GALNS: variants seen among roughly 807,000 people sequenced by gnomAD.
The protein encoded by GALNS is N-acetylgalactosamine-6-sulfatase.
A neutral mutation model predicts 65.9 loss-of-function variants in GALNS; 65 were observed. That is an observed-to-expected ratio of 0.99 (90% CI 0.81 to 1.21). The LOEUF is 1.21. Among genes scored for constraint, GALNS ranks in the 50% most tolerant of loss-of-function variants. The probability of loss-of-function intolerance (pLI) is 0.00; values close to 1 mark genes in which losing one functional copy is unlikely to be tolerated. For missense variants in GALNS, 776 were observed against 700.7 expected (o/e 1.11, Z -1.21); for synonymous variants, 346 against 288.9 (o/e 1.20, Z -2.00).
Position 88,841,084 on chromosome 16 carries a change from C to T in GALNS, c.330G>A (p.Pro110=), listed in dbSNP as rs374355420. The T allele has an allele frequency of 4.5e-5, 73 of 1,612,940 alleles. No homozygotes were observed. The Middle Eastern group carries it at 5.0e-4, about 11-fold the overall frequency. ...TNAHARNAYT[P]QEIVGGIPDS... ...CTGGGATGCCGCCCACAATCTCCTGCGGTGTGTAGGCTGGAAGAGCAGCGC... is the reference window on the plus strand; with the variant it reads ...CTGGGATGCCGCCCACAATCTCCTGTGGTGTGTAGGCTGGAAGAGCAGCGC... The change falls in exon 4 of 14, where the codon CCG becomes CCA. Residue 110 remains proline, a synonymous_variant. Transcript: ENST00000268695.
rs1909720937 is a variant in GALNS at position 88,817,194 on chromosome 16, A to G, written c.1482+813T>C. On this transcript the variant is annotated intron_variant, in intron 13 of 13. Transcript: ENST00000268695. ...ACCCTATGGGACCCCCAAGCAGGGGACAGAAAAGCTGCTCCTGAGAGGCCC... is the reference window on the plus strand; with the variant it reads ...ACCCTATGGGACCCCCAAGCAGGGGGCAGAAAAGCTGCTCCTGAGAGGCCC... 24 of 985,250 alleles carry G rather than the reference A, an allele frequency of 2.4e-5. No individual in the cohort carries two copies. In the South Asian group the frequency reaches 6.6e-4, roughly 27 times the overall value. The allele number at this position is 985,250 out of a possible 1,614,324, so 61.0% of individuals were successfully genotyped here. A position where few individuals can be genotyped will look rare whatever the true frequency, so the allele number is the denominator to read the frequency against.
At chr16:88,818,975 C>T (rs1046434453) in intron 12 of GALNS, among the ~76,000 whole-genome samples, 1 of 152,134 alleles carries the variant, frequency 6.6e-6, no homozygotes, top group African/African-American at 2.4e-5. Flanking sequence ...AAGCTAGAGA[C>T]GGGGTTACCA....
At position 88,855,829 on chromosome 16, in the gene GALNS, A is replaced by G. The variant is rs913540481; in HGVS notation, c.120+929T>C. On this transcript the variant is annotated intron_variant, in intron 1 of 13. Transcript: ENST00000268695. Reference sequence around the variant, plus strand: ...ACAGGTGGGTCTGAAGGCACCTGTCAGGGTCTCTGCTGGTCGGAGCCAGCA... The same window carrying G: ...ACAGGTGGGTCTGAAGGCACCTGTCGGGGTCTCTGCTGGTCGGAGCCAGCA... The G allele has an allele frequency of 7.9e-6, 4 of 503,568 alleles. No individual in the cohort carries two copies. The South Asian group carries it at 9.1e-5, about 11-fold the overall frequency. The allele number at this position is 503,568 out of a possible 1,614,324, so 31.2% of individuals were successfully genotyped here.
In GALNS at chr16:88,824,762, T is replaced by C; in HGVS notation, c.1242+5A>G. On this transcript the variant is annotated splice_donor_5th_base_variant and intron_variant, in intron 11 of 13. Transcript: ENST00000268695. ...CCGCCTGCGCCCACGTCCCGAGCCCTGTACCTGTCTGAAGTTCTCCCAGGA... is the reference window on the plus strand; with the variant it reads ...CCGCCTGCGCCCACGTCCCGAGCCCCGTACCTGTCTGAAGTTCTCCCAGGA... The C allele has an allele frequency of 6.2e-7, 1 of 1,612,644 alleles. No homozygotes were observed. Among genetic ancestry groups the C allele is most frequent in the Non-Finnish European group, 8.5e-7 (1 of 1,179,464 alleles).
chr16:88,826,729 G>A lies in GALNS; in HGVS notation c.1112C>T (p.Thr371Ile). 1 of 1,612,656 alleles carries A rather than the reference G, an allele frequency of 6.2e-7. No individual in the cohort carries two copies. ...GTCCATCAGCCGGCCCTGCAGGAGG[G>A]TGGGGAGGAGGTTGAGGCCATCAAT... ...RAIDGLNLLPTLLQGRLMDRP... is the reference protein window; with the variant it reads ...RAIDGLNLLPILLQGRLMDRP... Residue 371 changes from threonine to isoleucine, a missense_variant, in exon 10 of 14, where the codon ACC becomes ATC. Physicochemically the swap from Thr to Ile is moderately conservative, Grantham distance 89. Coordinates refer to ENST00000268695, the MANE Select transcript of GALNS (RefSeq NM_000512.5).
At chr16:88,836,759 C>T (rs1035351303) in intron 5 of GALNS, among the ~76,000 whole-genome samples, 1 of 152,166 alleles carries the variant, frequency 6.6e-6, no homozygotes. Context: ...CATCTGATGA[C>T]CTGGCTGAGG....
At chr16:88,848,804 G>C (rs951177979) in intron 1 of GALNS, among the ~76,000 whole-genome samples, 1 of 152,228 alleles carries the variant, frequency 6.6e-6, no homozygotes, top group Non-Finnish European at 1.5e-5. Context: ...TGGAGGGATG[G>C]GCGCTGGGCC....
At chr16:88,815,201 C>T (rs925953601) in intron 13 of GALNS, 1 of 985,472 alleles carries the variant, frequency 1.0e-6, no homozygotes, top group South Asian at 4.7e-5. Context: ...GCTCTGAAGG[C>T]TGCCATTGGA....
chr16:88,856,414 G>C (rs757086523), intron 1 of GALNS: 1 of 701,108 alleles, frequency 1.4e-6, no homozygotes, highest in Admixed American at 2.0e-5. Flanking sequence ...AAGGTCAGAC[G>C]GGGGAGGCAG....
intron 12 of GALNS, among the ~76,000 whole-genome samples, chr16:88,821,603 A>G (rs2142991759): frequency 6.6e-6 from 1 of 152,266 alleles, no homozygotes; most frequent in South Asian, 2.1e-4. Context: ...GCCTCACCGC[A>G]GGCTCAGCCC....
intron 1 of GALNS, chr16:88,843,092 G>A (rs919492478): frequency 1.3e-6 from 2 of 1,494,726 alleles, no homozygotes; most frequent in African/African-American, 1.4e-5. Context: ...GCTGTCTTTC[G>A]CCTCCACTTC....
At position 88,841,054 on chromosome 16, in the gene GALNS, C is replaced by T. The variant is rs368060807; in HGVS notation, c.360G>A (p.Ser120=). The part of the protein sequence containing the change: ...PQEIVGGIPD[S]EQLLPELLKK... Reference sequence around the variant, plus strand: ...TCAGAAGCTCCGGCAGGAGCTGCTCCGAGTCTGGGATGCCGCCCACAATCT... The same window carrying T: ...TCAGAAGCTCCGGCAGGAGCTGCTCTGAGTCTGGGATGCCGCCCACAATCT... Residue 120 remains serine, a synonymous_variant, in exon 4 of 14, where the codon TCG becomes TCA. Transcript: ENST00000268695. 36 of 1,613,154 alleles carry T rather than the reference C, an allele frequency of 2.2e-5. No homozygotes were observed. Among genetic ancestry groups the T allele is most frequent in the African/African-American group, 1.6e-4 (12 of 74,910 alleles).
chr16:88,819,882 C>A (rs113829439), intron 12 of GALNS, among the ~76,000 whole-genome samples: 1 of 152,016 alleles, frequency 6.6e-6, no homozygotes, highest in Non-Finnish European at 1.5e-5. Context: ...TTAGTAGAGA[C>A]GGGGTTTCAC....
At chr16:88,826,912 G>C in intron 9 of GALNS, 74 bp from the exon 10 acceptor site, 1 of 1,528,712 alleles carries the variant, frequency 6.5e-7, no homozygotes, top group Non-Finnish European at 8.9e-7. Flanking sequence ...ATCCCTGGGG[G>C]GGCGTGAGCC....
intron 3 of GALNS, 106 bp downstream of exon 3, chr16:88,841,791 C>T: frequency 1.0e-6 from 1 of 987,622 alleles, no homozygotes; most frequent in Non-Finnish European, 1.6e-6. Context: ...CAGCGGTACC[C>T]CACCTGCAGC....
chr16:88,836,478 A>G (rs1912152608), intron 5 of GALNS, among the ~76,000 whole-genome samples: 1 of 151,652 alleles, frequency 6.6e-6, no homozygotes, highest in Admixed American at 6.6e-5. Flanking sequence ...ACATGGTGAA[A>G]CTCTGTCTCT....
intron 10 of GALNS, among the ~76,000 whole-genome samples, chr16:88,825,394 C>CA (rs1910761168): frequency 8.8e-6 from 1 of 113,794 alleles, no homozygotes; most frequent in Non-Finnish European, 1.8e-5. Flanking sequence ...TCTGGGTGGC[C>CA]GGGGCTGGGG....
At chr16:88,832,199 A>C in intron 8 of GALNS, 98 bp from the exon 9 acceptor site, 1 of 1,124,924 alleles carries the variant, frequency 8.9e-7, no homozygotes, top group Non-Finnish European at 1.3e-6. Context: ...CATAGGGACA[A>C]AGGGCCCGGC....
In GALNS at chr16:88,818,409, C is replaced by T. The variant is rs3826071; in HGVS notation, c.1365-285G>A. 0.41 allele frequency among the ~76,000 whole-genome samples: 62,623 copies of T among 151,604 alleles called. 13,262 individuals carry two copies. The highest frequency in any genetic ancestry group is 0.63 in the East Asian group (3,213 of 5,102). On this transcript the variant is annotated intron_variant, in intron 12 of 13. Coordinates refer to ENST00000268695, the MANE Select transcript of GALNS (RefSeq NM_000512.5). ...GTGAGTAGAGCCGTCCCATCCTGTCCCTGCCTGTGACCAGGACCCGGGATA... is the reference window on the plus strand; with the variant it reads ...GTGAGTAGAGCCGTCCCATCCTGTCTCTGCCTGTGACCAGGACCCGGGATA...
Sources: allele counts gnomAD v4.1 joint callset (sites outside exome capture counted in the v4.1 genomes callset), GRCh38; gene constraint gnomAD v4.1.1; transcripts MANE v1.5; gene names NCBI Gene and HGNC (gene_info 2026-07-23, HGNC 2026-07-21).